P3H2: variants seen among roughly 807,000 people sequenced by gnomAD.
P3H2 encodes the protein prolyl 3-hydroxylase 2.
In P3H2, 80 loss-of-function variants were observed where a neutral mutation model predicts 87.0. That is an observed-to-expected ratio of 0.92 (90% CI 0.77 to 1.11). The LOEUF (loss-of-function observed/expected upper bound fraction) is 1.11. P3H2 is among the 50% of genes least tolerant of loss of function. The probability of loss-of-function intolerance (pLI) is 0.00; values close to 1 mark genes in which losing one functional copy is unlikely to be tolerated. For missense variants in P3H2, 1,001 were observed against 923.9 expected (o/e 1.08, Z -1.08); for synonymous variants, 367 against 359.3 (o/e 1.02, Z -0.24).
At chr3:190,075,343 T>TTGAG (rs1726836463) in intron 1 of P3H2, among the ~76,000 whole-genome samples, 1 of 151,716 alleles carries the variant, frequency 6.6e-6, no homozygotes, top group Non-Finnish European at 1.5e-5. Context: ...AAAAAATTAG[T>TTGAG]TGAGTGTGGT....
chr3:189,963,219 G>A (rs1171874223), intron 14 of P3H2, among the ~76,000 whole-genome samples: 3 of 152,124 alleles, frequency 2.0e-5, no homozygotes, highest in African/African-American at 7.2e-5. Flanking sequence ...ATGAGATCAT[G>A]GTCTCCTCCT....
chr3:190,118,395 G>C (rs1398733765), intron 1 of P3H2, among the ~76,000 whole-genome samples: 1 of 151,928 alleles, frequency 6.6e-6, no homozygotes, highest in African/African-American at 2.4e-5. Context: ...TCTGCTCTGG[G>C]AACTAGCTTA....
intron 1 of P3H2, among the ~76,000 whole-genome samples, chr3:190,037,593 ACT>A (rs1491563791): frequency 6.6e-6 from 1 of 152,012 alleles, no homozygotes; most frequent in Non-Finnish European, 1.5e-5. Flanking sequence ...TATTAGCATG[ACT>A]CTCTGTTTTC....
chr3:189,961,122 G>A (rs959195185), intron 14 of P3H2, among the ~76,000 whole-genome samples: 18 of 152,010 alleles, frequency 1.2e-4, no homozygotes, highest in Admixed American at 1.0e-3. Flanking sequence ...TGTAATTTTA[G>A]TAGAGACGGG....
intron 1 of P3H2, among the ~76,000 whole-genome samples, chr3:190,113,578 T>G: frequency 6.6e-6 from 1 of 152,198 alleles, no homozygotes; most frequent in East Asian, 1.9e-4. Flanking sequence ...ATCCAGCAAG[T>G]CTTCATTTAG....
intron 1 of P3H2, among the ~76,000 whole-genome samples, chr3:190,008,596 A>G (rs1254276293): frequency 2.6e-5 from 4 of 152,166 alleles, no homozygotes; most frequent in Admixed American, 2.6e-4. Flanking sequence ...TTCCCCTTGA[A>G]ATGTTATAGT....
chr3:190,067,265 T>C (rs1726543411), intron 1 of P3H2, among the ~76,000 whole-genome samples: 2 of 152,046 alleles, frequency 1.3e-5, no homozygotes, highest in Admixed American at 6.6e-5. Context: ...ATTCAAGAAA[T>C]ATTTACTAAA....
intron 14 of P3H2, among the ~76,000 whole-genome samples, chr3:189,959,453 T>A (rs1433367528): frequency 7.6e-6 from 1 of 132,172 alleles, no homozygotes; most frequent in Non-Finnish European, 1.6e-5. Flanking sequence ...CCCCTTCCTG[T>A]GTCCATGTGT....
chr3:189,995,305 T>G lies in P3H2; in HGVS notation c.618A>C (p.Glu206Asp). Residue 206 changes from glutamate (E) to aspartate (D), a missense_variant, in exon 2 of 15, where the codon GAA (glutamate) becomes GAC (aspartate). Physicochemically the swap from Glu to Asp is conservative, Grantham distance 45. Coordinates refer to ENST00000319332, the MANE Select transcript of P3H2 (RefSeq NM_018192.4). Reference protein sequence around the residue: ...GVEALQLVDREAKPHMESYNA... With the variant: ...GVEALQLVDRDAKPHMESYNA... ...CAGAGCTTACCATGTGTGGCTTGGC[T>G]TCTCTGTCTACCAACTGCAATGCTT... 1 of 1,614,122 alleles carries G rather than the reference T, an allele frequency of 6.2e-7. No homozygotes were observed. The highest frequency in any genetic ancestry group is 8.5e-7 in the Non-Finnish European group (1 of 1,180,018).
At chr3:190,100,393 A>G (rs1357907251) in intron 1 of P3H2, among the ~76,000 whole-genome samples, 3 of 152,126 alleles carry the variant, frequency 2.0e-5, no homozygotes, top group African/African-American at 7.2e-5. Context: ...TGAGGATAAG[A>G]TACTAGGATT....
intron 1 of P3H2, among the ~76,000 whole-genome samples, chr3:190,094,003 GTAGC>G (rs34327577): frequency 0.44 from 65,697 of 147,660 alleles, 16,641 homozygotes; most frequent in African/African-American, 0.73. Flanking sequence ...GTGGTGCTAT[GTAGC>G]TAGCATGAAC....
intron 1 of P3H2, among the ~76,000 whole-genome samples, chr3:190,110,971 G>A (rs1217369131): frequency 6.6e-6 from 1 of 152,180 alleles, no homozygotes; most frequent in African/African-American, 2.4e-5. Context: ...TCTAATATTT[G>A]TAGATAATGA....
intron 7 of P3H2, among the ~76,000 whole-genome samples, 182 bp downstream of exon 7, chr3:189,984,368 C>G (rs1723626098): frequency 6.6e-6 from 1 of 151,896 alleles, no homozygotes; most frequent in African/African-American, 2.4e-5. Context: ...GATATATTAC[C>G]TAAGGTTACA....
intron 1 of P3H2, among the ~76,000 whole-genome samples, chr3:190,043,025 C>T (rs1276386025): frequency 6.6e-6 from 1 of 151,976 alleles, no homozygotes; most frequent in Non-Finnish European, 1.5e-5. Flanking sequence ...AACAGAGTAC[C>T]ATACATGGCC....
intron 1 of P3H2, among the ~76,000 whole-genome samples, chr3:190,075,027 G>A (rs1400265738): frequency 6.6e-6 from 1 of 152,170 alleles, no homozygotes; most frequent in Non-Finnish European, 1.5e-5. Flanking sequence ...ACCTCCCTCA[G>A]CTATCATTCA....
At chr3:189,978,690 AG>A (rs1401102100) in intron 8 of P3H2, among the ~76,000 whole-genome samples, 1 of 152,020 alleles carries the variant, frequency 6.6e-6, no homozygotes, top group South Asian at 2.1e-4. Flanking sequence ...AACTAACCAA[AG>A]GAAAAAAAAA....
intron 1 of P3H2, among the ~76,000 whole-genome samples, chr3:190,092,220 G>T (rs374602723): frequency 7.5e-6 from 1 of 133,550 alleles, no homozygotes; most frequent in African/African-American, 3.3e-5. Flanking sequence ...GCGATGGAAC[G>T]AGACTCCGTC....
At chr3:190,057,923 C>T (rs1484739169) in intron 1 of P3H2, among the ~76,000 whole-genome samples, 1 of 151,954 alleles carries the variant, frequency 6.6e-6, no homozygotes, top group Non-Finnish European at 1.5e-5. Context: ...AGAACTAAGG[C>T]ATAGCTGACC....
intron 1 of P3H2, among the ~76,000 whole-genome samples, chr3:190,073,389 G>A (rs1398020841): frequency 6.6e-6 from 1 of 152,164 alleles, no homozygotes; most frequent in East Asian, 1.9e-4. Flanking sequence ...TTGCCACGCA[G>A]CCCTGATAAA....
Sources: gnomAD v4.1 joint callset for allele counts (sites outside exome capture counted in the v4.1 genomes callset) on GRCh38, gnomAD v4.1.1 for gene constraint, MANE v1.5 for transcripts, NCBI Gene and HGNC (gene_info 2026-07-23, HGNC 2026-07-21) for gene names.